The following MAP4K1 variants were observed in gnomAD, a reference collection of about 807,000 sequenced individuals.
MAP4K1 encodes mitogen-activated protein kinase kinase kinase kinase 1.
A neutral mutation model predicts 122.8 loss-of-function variants in MAP4K1; 35 were observed. The observed-to-expected ratio is 0.29, with a 90% CI of 0.22 to 0.38. The LOEUF (loss-of-function observed/expected upper bound fraction) is 0.38. Ranked by LOEUF, MAP4K1 falls within the 10% of genes least tolerant of loss-of-function variation. The pLI is 1.00. For missense variants in MAP4K1, 791 were observed against 1,072.6 expected (o/e 0.74, Z 3.67); for synonymous variants, 412 against 421.3 (o/e 0.98, Z 0.27).
intron 19 of MAP4K1, among the ~76,000 whole-genome samples, chr19:38,602,586 A>T (rs1423951185): frequency 6.8e-6 from 1 of 147,286 alleles, no homozygotes; most frequent in African/African-American, 2.6e-5. Flanking sequence ...ATATATACAC[A>T]TGTACATATA....
intron 13 of MAP4K1, among the ~76,000 whole-genome samples, chr19:38,609,019 G>A (rs1170716368): frequency 6.6e-6 from 1 of 152,032 alleles, no homozygotes; most frequent in Non-Finnish European, 1.5e-5. Context: ...GGATCAGGAA[G>A]TTGGGGGCTC....
At position 38,596,428 on chromosome 19, in the gene MAP4K1, C is replaced by T. The variant is rs529710837; in HGVS notation, c.2000G>A (p.Gly667Asp). The T allele has an allele frequency of 3.8e-6, 6 of 1,591,590 alleles. No individual in the cohort carries two copies. The South Asian group carries it at 6.8e-5, about 18-fold the overall frequency. Reference sequence around the variant, plus strand: ...GATGCACACAGCGGGCAGCTCAGAGCCTGGCCCGGTCAGCAGCGCGAACAC... The same window carrying T: ...GATGCACACAGCGGGCAGCTCAGAGTCTGGCCCGGTCAGCAGCGCGAACAC... ...LSVFALLTGPGSELPAVCIGV... is the reference protein window; with the variant it reads ...LSVFALLTGPDSELPAVCIGV... Residue 667 changes from glycine to aspartate, a missense_variant, in exon 26 of 31, where the codon GGC (glycine) becomes GAC (aspartate). Transcript: ENST00000396857.
At chr19:38,602,615 TAC>T (rs1309742212) in intron 19 of MAP4K1, among the ~76,000 whole-genome samples, 18 of 147,790 alleles carry the variant, frequency 1.2e-4, no homozygotes, top group Non-Finnish European at 1.8e-4. Context: ...TACATATATA[TAC>T]ACATATACAT....
chr19:38,611,671 G>A (rs960528598), intron 9 of MAP4K1, among the ~76,000 whole-genome samples: 1 of 152,094 alleles, frequency 6.6e-6, no homozygotes, highest in African/African-American at 2.4e-5. Flanking sequence ...GACCAGCTAT[G>A]TGAGAGGCTA....
In MAP4K1 at chr19:38,617,536, T is replaced by G; in HGVS notation, c.157+32A>C. On this transcript the variant is annotated intron_variant, in intron 2 of 30. Transcript: ENST00000396857. The surrounding 1 kb of genome is among the most constrained non-coding windows in gnomAD (Gnocchi z 4.1). Reference sequence around the variant, plus strand: ...GTGTCCCAGGAGGCGAAGGTGGGGATGTGGGGAAGGAGCTCCATGTTCCCT... The same window carrying G: ...GTGTCCCAGGAGGCGAAGGTGGGGAGGTGGGGAAGGAGCTCCATGTTCCCT... 1 of 1,613,644 alleles carries G rather than the reference T, an allele frequency of 6.2e-7. No individual in the cohort carries two copies. Among genetic ancestry groups the G allele is most frequent in the African/African-American group, 1.3e-5 (1 of 75,022 alleles).
intron 13 of MAP4K1, 84 bp downstream of exon 13, chr19:38,609,512 C>A: frequency 8.4e-7 from 1 of 1,193,598 alleles, no homozygotes. Flanking sequence ...CTGAGGGTCT[C>A]TGGAGGCCTG....
intron 13 of MAP4K1, 33 bp downstream of exon 13, chr19:38,609,563 A>T: frequency 6.3e-7 from 1 of 1,593,702 alleles, no homozygotes; most frequent in Non-Finnish European, 8.6e-7. Context: ...TTATAGGGTC[A>T]GGTGTCCCCA....
intron 22 of MAP4K1, 24 bp downstream of exon 22, chr19:38,599,901 C>T: frequency 1.9e-6 from 3 of 1,613,332 alleles, no homozygotes; most frequent in Non-Finnish European, 2.5e-6. Context: ...CCGACCCCAT[C>T]CCACCTGCTA....
At chr19:38,610,779 C>T (rs1399808727) in intron 11 of MAP4K1, among the ~76,000 whole-genome samples, 1 of 152,078 alleles carries the variant, frequency 6.6e-6, no homozygotes, top group Non-Finnish European at 1.5e-5. Context: ...TTGGAAGAGA[C>T]TGTGGTTCCC....
At chr19:38,615,591 CAGAG>C (rs1374151230) in intron 4 of MAP4K1, among the ~76,000 whole-genome samples, 2 of 152,086 alleles carry the variant, frequency 1.3e-5, no homozygotes, top group African/African-American at 2.4e-5. Context: ...GACAGACAGA[CAGAG>C]AGAGGCCGTC....
intron 19 of MAP4K1, among the ~76,000 whole-genome samples, chr19:38,602,632 ATACACACC>A (rs1975117521): frequency 6.9e-6 from 1 of 144,918 alleles, no homozygotes; most frequent in African/African-American, 2.6e-5. Flanking sequence ...ATACATATAT[ATACACACC>A]TATACATATA....
chr19:38,614,606 A>G, intron 4 of MAP4K1, 161 bp from the exon 5 acceptor site: 1 of 714,436 alleles, frequency 1.4e-6, no homozygotes, highest in Non-Finnish European at 2.4e-6. Flanking sequence ...CAGTGACAGA[A>G]AGAGGCAGCA....
chr19:38,608,156 A>C lies in MAP4K1; in HGVS notation c.1021T>G (p.Phe341Val). Residue 341 changes from phenylalanine (F) to valine (V), a missense_variant, in exon 14 of 31, where the codon TTC (phenylalanine) becomes GTC (valine). Around this residue, in one of 4 missense-constraint regions of MAP4K1, gnomAD observed 303 missense variants for 344.8 expected, o/e 0.88. Transcript: ENST00000396857. Reference protein sequence around the residue: ...DADCCRRHMEFRKLRGMETRP... With the variant: ...DADCCRRHMEVRKLRGMETRP... The stretch of plus-strand genomic sequence containing the variant: ...GTCTCCATTCCTCGGAGCTTCCTGA[A>C]CTCCATGTGCCGCCCTAGGGTGGGT... 6.6e-7 allele frequency: 1 copy of C among 1,514,636 alleles called. No individual in the cohort carries two copies. Among genetic ancestry groups the C allele is most frequent in the East Asian group, 2.3e-5 (1 of 43,228 alleles). 93.8% of individuals were successfully genotyped at this position (1,514,636 alleles called of 1,614,324 possible). A position where few individuals can be genotyped will look rare whatever the true frequency, so the allele number is the denominator to read the frequency against.
intron 19 of MAP4K1, among the ~76,000 whole-genome samples, chr19:38,602,204 T>C (rs1975084688): frequency 6.6e-6 from 1 of 152,104 alleles, no homozygotes; most frequent in Non-Finnish European, 1.5e-5. Flanking sequence ...GCCTCCTGAA[T>C]AGCTGGGATT....
At chr19:38,603,294 ACATACATG>A (rs1323818581) in intron 19 of MAP4K1, among the ~76,000 whole-genome samples, 22 of 150,860 alleles carry the variant, frequency 1.5e-4, no homozygotes, top group Middle Eastern at 3.6e-3. Flanking sequence ...ATACACACAC[ACATACATG>A]TATACATATA....
intron 4 of MAP4K1, among the ~76,000 whole-genome samples, chr19:38,615,782 C>G (rs538585852): frequency 6.6e-6 from 1 of 152,014 alleles, no homozygotes; most frequent in Non-Finnish European, 1.5e-5. Flanking sequence ...CTCAGCCTCC[C>G]GAGTAGCTGG....
Position 38,590,373 on chromosome 19 carries a change from G to GAAAAAAAAAAA in MAP4K1, c.2397-2567_2397-2557dup, listed in dbSNP as rs1164261721. On this transcript the variant is annotated intron_variant, in intron 30 of 30. Transcript: ENST00000396857. ...AAGTGCCACCTATGATCTTGGACCA[G>GAAAAAAAAAAA]AAAAAAAAAAAAAAAAAAAAAATAT... 1.1e-4 allele frequency among the ~76,000 whole-genome samples: 2 copies of GAAAAAAAAAAA among 18,022 alleles called. 1 individual carries two copies. The highest frequency in any genetic ancestry group is 4.5e-4 in the African/African-American group (2 of 4,416). 11.8% of individuals were successfully genotyped at this position (18,022 alleles called of 152,430 possible).
chr19:38,609,502 C>T (rs1975430171), intron 13 of MAP4K1, 94 bp downstream of exon 13: 2 of 1,060,260 alleles, frequency 1.9e-6, no homozygotes, highest in Non-Finnish European at 2.9e-6. Context: ...TCAGATGATG[C>T]TGAGGGTCTC....
Position 38,587,719 on chromosome 19 carries a change from G to T in MAP4K1, c.*29C>A. 6.4e-7 allele frequency: 1 copy of T among 1,569,946 alleles called. No homozygotes were observed. Among genetic ancestry groups the T allele is most frequent in the East Asian group, 2.2e-5 (1 of 44,646 alleles). On this transcript the variant is annotated 3_prime_UTR_variant, in exon 31 of 31. Coordinates refer to ENST00000396857, the MANE Select transcript of MAP4K1 (RefSeq NM_001042600.3). ...TGTGTCTATGGGGGAGGGGGTGCAA[G>T]GACTAGTTCCTGACACCCCCCTAGG...
Sources: allele counts gnomAD v4.1 joint callset (sites outside exome capture counted in the v4.1 genomes callset), GRCh38; gene constraint gnomAD v4.1.1; regional missense constraint gnomAD v4.1.1; non-coding constraint Gnocchi (gnomAD v3.1); transcripts MANE v1.5; gene names NCBI Gene and HGNC (gene_info 2026-07-23, HGNC 2026-07-21).